PAN3: variants seen among roughly 807,000 people sequenced by gnomAD.
PAN3 encodes PAN2-PAN3 deadenylation complex subunit PAN3.
In PAN3, 19 loss-of-function variants were observed where a neutral mutation model predicts 96.2. That is an observed-to-expected ratio of 0.20 (90% CI 0.14 to 0.29). The LOEUF is 0.29. Among genes scored for constraint, PAN3 ranks in the 10% least tolerant of loss-of-function variants. PAN3 has a pLI of 1.00. For missense variants in PAN3, 882 were observed against 1,108.1 expected, an observed-to-expected ratio of 0.80 and a Z score of 2.90; for synonymous variants, 433 against 406.6, an observed-to-expected ratio of 1.06 and a Z score of -0.78.
At chr13:28,171,987 G>A (rs1874366830) in intron 1 of PAN3, among the ~76,000 whole-genome samples, 1 of 152,090 alleles carries the variant, frequency 6.6e-6, no homozygotes, top group East Asian at 1.9e-4. Context: ...TAGGAACCGA[G>A]GTCAGAGACC....
intron 4 of PAN3, among the ~76,000 whole-genome samples, chr13:28,180,511 G>A (rs1210212577): frequency 9.2e-5 from 14 of 152,152 alleles, no homozygotes; most frequent in Admixed American, 5.2e-4. Context: ...TGAATTAAAG[G>A]CATATGAAAA....
intron 6 of PAN3, among the ~76,000 whole-genome samples, chr13:28,244,818 A>G (rs939897271): frequency 5.3e-5 from 8 of 151,156 alleles, no homozygotes; most frequent in Non-Finnish European, 1.0e-4. Flanking sequence ...AGATATAATT[A>G]GCTTGGTTAA....
intron 14 of PAN3, among the ~76,000 whole-genome samples, chr13:28,274,771 G>A (rs1275296790): frequency 6.6e-6 from 1 of 151,842 alleles, no homozygotes; most frequent in Non-Finnish European, 1.5e-5. Flanking sequence ...CTTTTTTTGG[G>A]TATATATGTG....
At chr13:28,203,722 A>G (rs1879016839) in intron 5 of PAN3, among the ~76,000 whole-genome samples, 1 of 152,104 alleles carries the variant, frequency 6.6e-6, no homozygotes, top group South Asian at 2.1e-4. Context: ...GCTATTTTTT[A>G]ATCTTTTAAG....
chr13:28,249,439 A>G lies in PAN3; in HGVS notation c.1001-6853A>G, dbSNP rs535553670. Among the ~76,000 whole-genome samples, 664 of 152,026 alleles carry G rather than the reference A, an allele frequency of 4.4e-3. 8 individuals carry two copies. Among genetic ancestry groups the G allele is most frequent in the African/African-American group, 0.015 (631 of 41,522 alleles). On this transcript the variant is annotated intron_variant, in intron 6 of 18. Coordinates refer to ENST00000380958, the MANE Select transcript of PAN3 (RefSeq NM_175854.8). ...GAAGAGATGGGCAGTAAAAATATTA[A>G]CGCAAGATTTTTATTATTTTTTTTT...
At chr13:28,270,412 A>C (rs1193548850) in intron 12 of PAN3, among the ~76,000 whole-genome samples, 1 of 152,234 alleles carries the variant, frequency 6.6e-6, no homozygotes, top group African/African-American at 2.4e-5. Context: ...TAACAATTAC[A>C]TATAAATTCT....
intron 5 of PAN3, among the ~76,000 whole-genome samples, chr13:28,212,784 C>A (rs1217785046): frequency 6.6e-6 from 1 of 151,846 alleles, no homozygotes; most frequent in African/African-American, 2.4e-5. Context: ...AGAAACTGCC[C>A]CAGAAAACCA....
intron 6 of PAN3, among the ~76,000 whole-genome samples, chr13:28,222,978 A>G (rs949495352): frequency 1.3e-5 from 2 of 152,166 alleles, no homozygotes; most frequent in African/African-American, 4.8e-5. Context: ...GACCAAATAT[A>G]TTTGTCAAAA....
intron 6 of PAN3, among the ~76,000 whole-genome samples, chr13:28,250,702 C>T (rs544309540): frequency 1.3e-5 from 2 of 152,214 alleles, no homozygotes; most frequent in Non-Finnish European, 2.9e-5. Flanking sequence ...CGGGGTTTCA[C>T]CATGTTGCCC....
chr13:28,215,617 C>T, intron 5 of PAN3: 1 of 1,026,034 alleles, frequency 9.7e-7, no homozygotes. Flanking sequence ...CATGTTGCAT[C>T]CAGGTTTGCT....
At chr13:28,138,543 C>T (rs1040498162), upstream of PAN3, 4 of 404,294 alleles carry the variant, frequency 9.9e-6, no homozygotes, top group African/African-American at 6.4e-5. Context: ...CGGGACAGAC[C>T]CACCCGCCCA....
chr13:28,202,740 G>A (rs1041835734), intron 5 of PAN3, among the ~76,000 whole-genome samples: 1 of 151,916 alleles, frequency 6.6e-6, no homozygotes, highest in African/African-American at 2.4e-5. Context: ...ACTTCATTCT[G>A]TTTTGTATTA....
Position 28,270,812 on chromosome 13 carries a change from G to T in PAN3, c.1904G>T (p.Gly635Val). 1 of 1,613,934 alleles carries T rather than the reference G, an allele frequency of 6.2e-7. No individual in the cohort carries two copies. Among genetic ancestry groups the T allele is most frequent in the Non-Finnish European group, 8.5e-7 (1 of 1,179,860 alleles). Reference protein sequence around the residue: ...SSALRTIHTAGLACRVMDPTK... With the variant: ...SSALRTIHTAVLACRVMDPTK... ...GCATTGCGTACCATTCATACAGCAG[G>T]TTTGGCATGTCGAGTTATGGATCCA... The change falls in exon 13 of 19, where the codon GGT becomes GTT. Residue 635 changes from glycine to valine, a missense_variant. By Grantham distance (109) the Gly-to-Val change is moderately radical. Around this residue, in one of 3 missense-constraint regions of PAN3, gnomAD observed 364 missense variants for 513.6 expected, o/e 0.71. Transcript: ENST00000380958.
intron 4 of PAN3, among the ~76,000 whole-genome samples, chr13:28,185,055 G>C (rs142801770): frequency 0.01 from 1,558 of 152,170 alleles, 24 homozygotes; most frequent in African/African-American, 0.035. Context: ...GCTCTAATGA[G>C]TTAGTAATTC....
intron 6 of PAN3, among the ~76,000 whole-genome samples, chr13:28,254,763 A>C (rs962632445): frequency 6.6e-6 from 1 of 152,080 alleles, no homozygotes; most frequent in East Asian, 1.9e-4. Flanking sequence ...TTAAGACATA[A>C]CTCGAGAATT....
chr13:28,217,107 C>G (rs1224083920), intron 5 of PAN3, among the ~76,000 whole-genome samples: 1 of 142,478 alleles, frequency 7.0e-6, no homozygotes, highest in African/African-American at 2.8e-5. Context: ...GAGTAAAACT[C>G]TGTCTCAAAA....
At chr13:28,222,367 A>T (rs1389250406) in intron 6 of PAN3, among the ~76,000 whole-genome samples, 2 of 152,164 alleles carry the variant, frequency 1.3e-5, no homozygotes, top group Non-Finnish European at 2.9e-5. Flanking sequence ...TTAAATGGTT[A>T]TTCTAGCTCC....
Position 28,262,916 on chromosome 13 carries a change from T to C in PAN3, c.1411+1458T>C, listed in dbSNP as rs191676484. On this transcript the variant is annotated intron_variant, in intron 9 of 18. Transcript: ENST00000380958. ...ATTTATTACGCAGTATTAAATAATATAAATGAAATACTGTAGATTAGTAGA... is the reference window on the plus strand; with the variant it reads ...ATTTATTACGCAGTATTAAATAATACAAATGAAATACTGTAGATTAGTAGA... Among the ~76,000 whole-genome samples, 26 of 152,308 alleles carry C rather than the reference T, an allele frequency of 1.7e-4. No individual in the cohort carries two copies. In the East Asian group the frequency reaches 4.6e-3, roughly 27 times the overall value.
intron 5 of PAN3, among the ~76,000 whole-genome samples, chr13:28,214,008 G>T (rs1316920305): frequency 6.6e-6 from 1 of 151,964 alleles, no homozygotes; most frequent in Non-Finnish European, 1.5e-5. Flanking sequence ...AGCTAGGCTG[G>T]AGTATCGCTT....
Sources: gnomAD v4.1 joint callset for allele counts (sites outside exome capture counted in the v4.1 genomes callset) on GRCh38, gnomAD v4.1.1 for gene constraint, gnomAD v4.1.1 regional missense constraint, MANE v1.5 for transcripts, NCBI Gene and HGNC (gene_info 2026-07-23, HGNC 2026-07-21) for gene names.